MAPK1IP1L: variants seen among roughly 807,000 people sequenced by gnomAD.
MAPK1IP1L encodes the protein mitogen-activated protein kinase 1 interacting protein 1 like.
A neutral mutation model predicts 18.1 loss-of-function variants in MAPK1IP1L; 10 were observed. The observed-to-expected ratio is 0.55, with a 90% CI of 0.34 to 0.94. MAPK1IP1L has a LOEUF of 0.94. Among genes scored for constraint, MAPK1IP1L ranks in the 40% least tolerant of loss-of-function variants. The pLI is 0.02. For synonymous variants in MAPK1IP1L, 115 were observed against 117.3 expected (o/e 0.98, Z 0.13); for missense variants, 260 against 318.2 (o/e 0.82, Z 1.39).
intron 1 of MAPK1IP1L, among the ~76,000 whole-genome samples, chr14:55,056,005 A>G (rs1215943241): frequency 6.6e-6 from 1 of 152,194 alleles, no homozygotes; most frequent in Non-Finnish European, 1.5e-5. Context: ...TTAGGTAATT[A>G]AAACCACAGA....
rs370079282 is a variant in MAPK1IP1L, at chr14:55,051,680, C to T, written c.-128C>T. 1.1e-4 allele frequency: 57 copies of T among 515,800 alleles called. No homozygotes were observed. The highest frequency in any genetic ancestry group is 1.9e-4 in the Non-Finnish European group (50 of 259,386). 32.0% of individuals were successfully genotyped at this position (515,800 alleles called of 1,614,324 possible). A position where few individuals can be genotyped will look rare whatever the true frequency, so the allele number is the denominator to read the frequency against. ...TTCCGGCGCCAGGAGGAGCCGCGCG[C>T]TGCTGGTGCTGTTGCCGCCGCTGCT... On this transcript the variant is annotated 5_prime_UTR_variant, in exon 1 of 4. Coordinates refer to ENST00000395468, the MANE Select transcript of MAPK1IP1L (RefSeq NM_144578.4).
intron 1 of MAPK1IP1L, among the ~76,000 whole-genome samples, chr14:55,057,046 CTTTA>C (rs1203552719): frequency 2.0e-5 from 3 of 152,074 alleles, no homozygotes; most frequent in African/African-American, 7.2e-5. Context: ...TTCTTGCTTT[CTTTA>C]TTAACAGAAT....
chr14:55,063,310 G>T lies in MAPK1IP1L; in HGVS notation c.711G>T (p.Met237Ile). Residue 237 changes from methionine (M) to isoleucine (I), a missense_variant, in exon 3 of 4, where the codon ATG becomes ATT. By Grantham distance (10) the Met-to-Ile change is conservative. Coordinates refer to ENST00000395468, the MANE Select transcript of MAPK1IP1L (RefSeq NM_144578.4). ...VPSGPSGAPP[M>I]PGGPHSYH is the part of the protein sequence containing the mutation. ...CAGGACCTTCTGGTGCTCCACCAAT[G>T]CCTGGTGGCCCCCATGTGAGTGTTC... The T allele has an allele frequency of 6.2e-7, 1 of 1,610,496 alleles. No homozygotes were observed. Among genetic ancestry groups the T allele is most frequent in the Non-Finnish European group, 8.5e-7 (1 of 1,177,358 alleles).
intron 1 of MAPK1IP1L, among the ~76,000 whole-genome samples, chr14:55,061,368 CACAA>C (rs1313615517): frequency 4.6e-5 from 7 of 152,212 alleles, no homozygotes; most frequent in East Asian, 3.9e-4. Flanking sequence ...GATTCTCACA[CACAA>C]ACAAAGAAGT....
rs1043658331 is a variant in MAPK1IP1L, at chr14:55,060,050, C to T, written c.-4-1630C>T. 2.0e-5 allele frequency among the ~76,000 whole-genome samples: 3 copies of T among 149,248 alleles called. No homozygotes were observed. The East Asian group carries it at 5.9e-4, about 29-fold the overall frequency. ...AATATATCACAAAATCCAGAAGCCA[C>T]GTATAGGAAAACATTGATAGATTTG... On this transcript the variant is annotated intron_variant, in intron 1 of 3. Transcript: ENST00000395468.
intron 2 of MAPK1IP1L, among the ~76,000 whole-genome samples, chr14:55,062,004 T>G (rs1688422289): frequency 6.6e-6 from 1 of 152,232 alleles, no homozygotes; most frequent in African/African-American, 2.4e-5. Context: ...TTTTGATAGG[T>G]GATTTGCCTT....
chr14:55,053,060 CTA>C (rs2042743125), intron 1 of MAPK1IP1L, among the ~76,000 whole-genome samples: 1 of 152,226 alleles, frequency 6.6e-6, no homozygotes, highest in East Asian at 1.9e-4. Flanking sequence ...CGAATAGAAA[CTA>C]TAAATAGCTT....
At chr14:55,057,351 T>C (rs754383750) in intron 1 of MAPK1IP1L, among the ~76,000 whole-genome samples, 1 of 152,260 alleles carries the variant, frequency 6.6e-6, no homozygotes, top group Non-Finnish European at 1.5e-5. Flanking sequence ...TCAGTAATGA[T>C]GCTTCCTACC....
chr14:55,067,415 T>A lies in MAPK1IP1L; in HGVS notation c.*2788T>A, dbSNP rs1425200897. ...ATCAAGAAAGGCTTTTTTCCTTTTT[T>A]CTTTTTTTTTTGGAGACAGAGTCTT... On this transcript the variant is annotated 3_prime_UTR_variant, in exon 4 of 4. Transcript: ENST00000395468. 2.0e-5 allele frequency: 3 copies of A among 151,402 alleles called. No individual in the cohort carries two copies. Among genetic ancestry groups the A allele is most frequent in the Non-Finnish European group, 2.9e-5 (2 of 67,900 alleles). 9.4% of individuals were successfully genotyped at this position (151,402 alleles called of 1,614,324 possible). A position where few individuals can be genotyped will look rare whatever the true frequency, so the allele number is the denominator to read the frequency against.
chr14:55,056,623 C>A (rs2042773650), intron 1 of MAPK1IP1L, among the ~76,000 whole-genome samples: 1 of 152,306 alleles, frequency 6.6e-6, no homozygotes, highest in East Asian at 1.9e-4. Flanking sequence ...CATTCTCTTG[C>A]CTCAGCCTCC....
In MAPK1IP1L at chr14:55,069,148, A is replaced by G. The variant is rs1401054219; in HGVS notation, c.*4521A>G. Reference sequence around the variant, plus strand: ...AAGGCACTTTCACTGCCTGTCACTGATCAGCAGATACTGACTTGTTGCCAT... The same window carrying G: ...AAGGCACTTTCACTGCCTGTCACTGGTCAGCAGATACTGACTTGTTGCCAT... On this transcript the variant is annotated 3_prime_UTR_variant, in exon 4 of 4. Coordinates refer to ENST00000395468, the MANE Select transcript of MAPK1IP1L (RefSeq NM_144578.4). 6.6e-6 allele frequency: 1 copy of G among 152,228 alleles called. No homozygotes were observed. Among genetic ancestry groups the G allele is most frequent in the Admixed American group, 6.6e-5 (1 of 15,264 alleles). 9.4% of individuals were successfully genotyped at this position (152,228 alleles called of 1,614,324 possible).
At chr14:55,060,381 T>G (rs901660962) in intron 1 of MAPK1IP1L, 1 of 152,176 alleles carries the variant, frequency 6.6e-6, no homozygotes, top group Non-Finnish European at 1.5e-5. Flanking sequence ...TTCACCGTGT[T>G]AGCCAGGATG....
rs1234082353 is a variant in MAPK1IP1L, at chr14:55,066,074, C to A, written c.*1447C>A. ...CCTGACCTTGTTATTTATTAGATAA[C>A]ATTTTGAATGTATCCATTGGATTTC... On this transcript the variant is annotated 3_prime_UTR_variant, in exon 4 of 4. Transcript: ENST00000395468. 6.6e-6 allele frequency: 1 copy of A among 151,802 alleles called. No homozygotes were observed. Among genetic ancestry groups the A allele is most frequent in the Non-Finnish European group, 1.5e-5 (1 of 67,960 alleles). The allele number at this position is 151,802 out of a possible 1,614,324, so 9.4% of individuals were successfully genotyped here. A position where few individuals can be genotyped will look rare whatever the true frequency, so the allele number is the denominator to read the frequency against.
In MAPK1IP1L at chr14:55,062,743, A is replaced by C; in HGVS notation, c.144A>C (p.Ser48=). 6.2e-7 allele frequency: 1 copy of C among 1,614,028 alleles called. No homozygotes were observed. Among genetic ancestry groups the C allele is most frequent in the Non-Finnish European group, 8.5e-7 (1 of 1,179,996 alleles). The change falls in exon 3 of 4, where the codon TCA becomes TCC. Residue 48 remains serine (S), a synonymous_variant. Transcript: ENST00000395468. ...GGAATAATCCGAGTGCTCCATCTTCAGTGCCATCTGGACTCCCACCAAGTG... is the reference window on the plus strand; with the variant it reads ...GGAATAATCCGAGTGCTCCATCTTCCGTGCCATCTGGACTCCCACCAAGTG... ...NPWNNPSAPS[S]VPSGLPPSAT...
rs546219000 is a variant in MAPK1IP1L at position 55,066,979 on chromosome 14, G to C, written c.*2352G>C. 1.3e-5 allele frequency: 2 copies of C among 151,032 alleles called. No individual in the cohort carries two copies. The highest frequency in any genetic ancestry group is 2.1e-4 in the South Asian group (1 of 4,780). The allele number at this position is 151,032 out of a possible 1,614,324, so 9.4% of individuals were successfully genotyped here. On this transcript the variant is annotated 3_prime_UTR_variant, in exon 4 of 4. Transcript: ENST00000395468. ...GTGGTGCTATCTTGGTTCACTGCAA[G>C]CTCCATCTCCCAGGTTCACACCATT...
In MAPK1IP1L at chr14:55,064,652, G is replaced by A. The variant is rs1169700912; in HGVS notation, c.*25G>A. ...AGTTAACAATGGACGAAGAGATGAC[G>A]CTTTGCTTTTTGAAGTACATGTATA... On this transcript the variant is annotated 3_prime_UTR_variant, in exon 4 of 4. Transcript: ENST00000395468. The A allele has an allele frequency of 1.9e-6, 3 of 1,610,264 alleles. No homozygotes were observed. Among genetic ancestry groups the A allele is most frequent in the Non-Finnish European group, 1.7e-6 (2 of 1,178,666 alleles).
At chr14:55,059,128 A>G (rs915140697) in intron 1 of MAPK1IP1L, among the ~76,000 whole-genome samples, 6 of 150,136 alleles carry the variant, frequency 4.0e-5, no homozygotes, top group East Asian at 2.0e-4. Context: ...GTTCCCCTAG[A>G]TTAATCTGTA....
chr14:55,064,625 T>G lies in MAPK1IP1L; in HGVS notation c.736T>G (p.Ter246GluextTer31). 1 of 1,612,824 alleles carries G rather than the reference T, an allele frequency of 6.2e-7. No individual in the cohort carries two copies. Among genetic ancestry groups the G allele is most frequent in the Non-Finnish European group, 8.5e-7 (1 of 1,179,586 alleles). The change falls in exon 4 of 4, where the codon TAA (stop) becomes GAA (glutamate). Residue 246 changes from the stop codon to glutamate, a stop_lost. Coordinates refer to ENST00000395468, the MANE Select transcript of MAPK1IP1L (RefSeq NM_144578.4). ...PMPGGPHSYH[*>E] ...CTTTTTTCTATTGCAGTCTTACCAT[T>G]AAGTTAACAATGGACGAAGAGATGA...
intron 1 of MAPK1IP1L, among the ~76,000 whole-genome samples, chr14:55,056,297 T>A (rs1221780602): frequency 6.6e-6 from 1 of 152,214 alleles, no homozygotes; most frequent in Non-Finnish European, 1.5e-5. Context: ...ACCTGAACAG[T>A]CAAGGCCATT....
Sources: allele counts gnomAD v4.1 joint callset (sites outside exome capture counted in the v4.1 genomes callset), GRCh38; gene constraint gnomAD v4.1.1; transcripts MANE v1.5; gene names NCBI Gene and HGNC (gene_info 2026-07-23, HGNC 2026-07-21).